ANK2: variants seen among roughly 807,000 people sequenced by gnomAD.
ANK2 encodes the protein ankyrin 2.
ANK2 carries 83 observed loss-of-function variants against 360.5 expected under a neutral mutation model. The observed-to-expected ratio is 0.23, with a 90% CI of 0.19 to 0.28. ANK2 has a LOEUF of 0.28. Among genes scored for constraint, ANK2 ranks in the 10% least tolerant of loss-of-function variants. The pLI is 1.00. For synonymous variants in ANK2, 1,740 were observed against 1,759.5 expected, an observed-to-expected ratio of 0.99 and a Z score of 0.28; for missense variants, 4,201 against 4,795.7, an observed-to-expected ratio of 0.88 and a Z score of 3.66.
chr4:112,989,106 G>T (rs1490155283), intron 2 of ANK2, among the ~76,000 whole-genome samples: 1 of 152,152 alleles, frequency 6.6e-6, no homozygotes, highest in African/African-American at 2.4e-5. Context: ...TAGCCAAAAG[G>T]CTGAGAAGCA....
chr4:112,879,294 T>C (rs2076079865), intron 1 of ANK2, among the ~76,000 whole-genome samples: 1 of 152,168 alleles, frequency 6.6e-6, no homozygotes, highest in South Asian at 2.1e-4. Flanking sequence ...TAAATGATAT[T>C]GTGGCTTCTA....
chr4:112,861,934 A>G (rs1343303847), intron 1 of ANK2, among the ~76,000 whole-genome samples: 2 of 151,992 alleles, frequency 1.3e-5, no homozygotes, highest in Admixed American at 6.6e-5. Context: ...ACTTTTCCTT[A>G]TTCTTTAGGA....
chr4:113,022,839 G>C (rs2058460689), intron 2 of ANK2, among the ~76,000 whole-genome samples: 1 of 152,090 alleles, frequency 6.6e-6, no homozygotes, highest in Non-Finnish European at 1.5e-5. Context: ...AATTTCAAGA[G>C]GTTAGCATAA....
chr4:112,966,178 C>T (rs912818852), intron 2 of ANK2, among the ~76,000 whole-genome samples: 1 of 151,510 alleles, frequency 6.6e-6, no homozygotes, highest in Non-Finnish European at 1.5e-5. Flanking sequence ...GTTTCCTTTT[C>T]TTTGTGAACA....
At chr4:113,036,305 C>A (rs1405999290) in intron 2 of ANK2, among the ~76,000 whole-genome samples, 1 of 149,576 alleles carries the variant, frequency 6.7e-6, no homozygotes, top group Admixed American at 6.6e-5. Flanking sequence ...ACATCCAGGA[C>A]TTGAAACAAA....
Position 113,358,019 on chromosome 4 carries a change from T to C in ANK2, c.9401T>C (p.Ile3134Thr). 1 of 1,613,994 alleles carries C rather than the reference T, an allele frequency of 6.2e-7. No homozygotes were observed. The highest frequency in any genetic ancestry group is 8.5e-7 in the Non-Finnish European group (1 of 1,179,972). Residue 3134 changes from isoleucine to threonine, a missense_variant, in exon 38 of 46, where the codon ATT becomes ACT. Ile to Thr is a moderately conservative substitution (Grantham distance 89, BLOSUM62 -1). Transcript: ENST00000357077. The part of the protein sequence containing the change: ...YADESFHFFQ[I>T]GQESREETLS... ...GATGAAAGTTTTCACTTTTTCCAAA[T>C]TGGTCAAGAATCCAGGGAAGAGACT...
At chr4:113,309,665 C>T (rs140815764) in intron 23 of ANK2, among the ~76,000 whole-genome samples, 145 of 152,042 alleles carry the variant, frequency 9.5e-4, no homozygotes, top group African/African-American at 3.3e-3. Flanking sequence ...AATACAGGTG[C>T]ATGACACCAT....
chr4:113,142,534 C>G (rs2096669914), intron 1 of ANK2, among the ~76,000 whole-genome samples: 2 of 152,228 alleles, frequency 1.3e-5, no homozygotes, highest in African/African-American at 2.4e-5. Flanking sequence ...TCAGCCATCA[C>G]AGTAGCACCA....
chr4:112,872,785 G>T (rs2073686103), intron 1 of ANK2, among the ~76,000 whole-genome samples: 1 of 152,124 alleles, frequency 6.6e-6, no homozygotes, highest in Admixed American at 6.5e-5. Flanking sequence ...TCAAGAATTG[G>T]TGTTTTATCT....
chr4:113,346,832 C>A (rs1247051986), intron 35 of ANK2, among the ~76,000 whole-genome samples: 3 of 152,158 alleles, frequency 2.0e-5, no homozygotes, highest in African/African-American at 7.2e-5. Context: ...GAAATCTCTC[C>A]CCCTCACGTA....
intron 2 of ANK2, among the ~76,000 whole-genome samples, chr4:112,985,893 C>T (rs1403262847): frequency 1.3e-5 from 2 of 151,666 alleles, no homozygotes; most frequent in Admixed American, 6.6e-5. Context: ...GTACACTGCT[C>T]AGGTGATGGG....
At chr4:112,824,442 T>A (rs1432777250) in intron 1 of ANK2, among the ~76,000 whole-genome samples, 1 of 151,790 alleles carries the variant, frequency 6.6e-6, no homozygotes, top group East Asian at 1.9e-4. Context: ...CTTCAAGCAA[T>A]CCTCCTGCCT....
At chr4:113,300,670 A>G (rs1414082357) in intron 22 of ANK2, among the ~76,000 whole-genome samples, 2 of 152,230 alleles carry the variant, frequency 1.3e-5, no homozygotes, top group Non-Finnish European at 2.9e-5. Context: ...ACCTGAGCCA[A>G]GAGAAGAGGG....
chr4:112,823,084 A>G (rs10516589), intron 1 of ANK2, among the ~76,000 whole-genome samples: 18,096 of 152,286 alleles, frequency 0.12, 1,824 homozygotes, highest in African/African-American at 0.27. Context: ...AATGTCATAG[A>G]TAATTCACCT....
At chr4:113,291,652 G>A (rs2067649119) in intron 20 of ANK2, among the ~76,000 whole-genome samples, 1 of 152,082 alleles carries the variant, frequency 6.6e-6, no homozygotes, top group Non-Finnish European at 1.5e-5. Context: ...GTATGAAAGG[G>A]CCACTCAGAA....
At chr4:112,798,585 C>T in the ANK2 span, 1 of 152,142 alleles carries the variant, frequency 6.6e-6, no homozygotes, top group Non-Finnish European at 1.5e-5. Context: ...CGCGCCTGGC[C>T]ACAGTTATGG....
intron 24 of ANK2, among the ~76,000 whole-genome samples, chr4:113,312,180 G>A (rs2080366031): frequency 7.0e-6 from 1 of 142,974 alleles, no homozygotes; most frequent in African/African-American, 2.8e-5. Flanking sequence ...GCTGAGACCT[G>A]TAGTCTCAGC....
At chr4:113,047,309 AT>A (rs1186690771), upstream of ANK2, among the ~76,000 whole-genome samples, 1 of 152,104 alleles carries the variant, frequency 6.6e-6, no homozygotes. Context: ...TCCCCAGAGC[AT>A]TTGTCACTAT....
intron 1 of ANK2, among the ~76,000 whole-genome samples, chr4:113,076,518 T>C (rs555080317): frequency 6.6e-6 from 1 of 152,262 alleles, no homozygotes; most frequent in East Asian, 1.9e-4. Context: ...ACATATGTAA[T>C]CTATTGGGCC....
Sources: gnomAD v4.1 joint callset for allele counts (sites outside exome capture counted in the v4.1 genomes callset) on GRCh38, gnomAD v4.1.1 for gene constraint, MANE v1.5 for transcripts, NCBI Gene and HGNC (gene_info 2026-07-23, HGNC 2026-07-21) for gene names.